The following PDE2A variants were observed in gnomAD, a reference collection of about 807,000 sequenced individuals.
PDE2A encodes the protein phosphodiesterase 2A.
A neutral mutation model predicts 133.6 loss-of-function variants in PDE2A; 53 were observed. The observed-to-expected ratio is 0.40, with a 90% confidence interval of 0.32 to 0.50. The LOEUF is 0.50. PDE2A is among the 20% of genes least tolerant of loss of function. The pLI, the probability that PDE2A is intolerant of heterozygous loss-of-function variation, is 0.73. For missense variants in PDE2A, 796 were observed against 1,232.4 expected, an observed-to-expected ratio of 0.65 and a Z score of 5.30; for synonymous variants, 491 against 490.2, an observed-to-expected ratio of 1.00 and a Z score of -0.02.
intron 1 of PDE2A, chr11:72,657,746 A>T: frequency 2.2e-6 from 1 of 452,816 alleles, no homozygotes; most frequent in Admixed American, 2.4e-5. Context: ...GGGGAGGAGC[A>T]GGGATTGAAC....
intron 4 of PDE2A, among the ~76,000 whole-genome samples, chr11:72,601,980 C>A (rs188485801): frequency 6.6e-6 from 1 of 152,290 alleles, no homozygotes; most frequent in Admixed American, 6.5e-5. Flanking sequence ...GCCCAAGGTT[C>A]TTCCTGTGGA....
At chr11:72,654,339 G>A (rs1210339781) in intron 1 of PDE2A, among the ~76,000 whole-genome samples, 1 of 152,208 alleles carries the variant, frequency 6.6e-6, no homozygotes, top group Non-Finnish European at 1.5e-5. Context: ...CGGATGAGAG[G>A]GCTGAGGAAA....
intron 1 of PDE2A, among the ~76,000 whole-genome samples, chr11:72,657,218 C>G (rs1225586573): frequency 6.6e-6 from 1 of 152,180 alleles, no homozygotes; most frequent in Non-Finnish European, 1.5e-5. Flanking sequence ...TGGCTGTCCC[C>G]CACCTCACTC....
intron 2 of PDE2A, among the ~76,000 whole-genome samples, chr11:72,627,059 G>T (rs556965143): frequency 9.2e-5 from 14 of 152,104 alleles, no homozygotes; most frequent in Admixed American, 2.0e-4. Context: ...ATCCTTCAAA[G>T]TTCTAAGGTT....
At position 72,583,936 on chromosome 11, in the gene PDE2A, G is replaced by A. The variant is rs539163689; in HGVS notation, c.1650+265C>T. 2.0e-5 allele frequency among the ~76,000 whole-genome samples: 3 copies of A among 152,324 alleles called. No individual in the cohort carries two copies. The South Asian group carries it at 6.2e-4, about 32-fold the overall frequency. On this transcript the variant is annotated intron_variant, in intron 19 of 30. Transcript: ENST00000334456. Reference sequence around the variant, plus strand: ...TTGGGTTGAGACTGCTTCCAGGGAAGAGAGGAGGTTTTGACAACGGGAGTT... The same window carrying A: ...TTGGGTTGAGACTGCTTCCAGGGAAAAGAGGAGGTTTTGACAACGGGAGTT...
chr11:72,581,532 C>T (rs371747305), intron 22 of PDE2A, 53 bp from the exon 23 acceptor site: 14 of 1,539,724 alleles, frequency 9.1e-6, no homozygotes, highest in African/African-American at 8.2e-5. Context: ...TCCTCCATCA[C>T]GGCCCCATGA....
At chr11:72,664,030 G>T (rs1855154805) in intron 1 of PDE2A, among the ~76,000 whole-genome samples, 1 of 152,228 alleles carries the variant, frequency 6.6e-6, no homozygotes, top group Non-Finnish European at 1.5e-5. Flanking sequence ...GGTACTGGCA[G>T]GAGAGCAAAG....
At chr11:72,587,240 G>A (rs1194331533) in intron 13 of PDE2A, among the ~76,000 whole-genome samples, 1 of 152,168 alleles carries the variant, frequency 6.6e-6, no homozygotes, top group African/African-American at 2.4e-5. Context: ...ACACTTCGGA[G>A]GTCTTTGCTA....
chr11:72,597,696 A>G lies in PDE2A; in HGVS notation c.324-77T>C. ...GAGGCCTGGCCTGGGAACACAGGAC[A>G]GTTTGGACCCTGCACATGTGCAAGG... On this transcript the variant is annotated intron_variant, in intron 4 of 30. Coordinates refer to ENST00000334456, the MANE Select transcript of PDE2A (RefSeq NM_002599.5). This position sits in a 1 kb window ranked among gnomAD's most constrained non-coding sequence, Gnocchi z 4.6. 2.1e-6 allele frequency: 2 copies of G among 943,686 alleles called. No individual in the cohort carries two copies. The highest frequency in any genetic ancestry group is 4.0e-5 in the Admixed American group (2 of 49,494). 58.5% of individuals were successfully genotyped at this position (943,686 alleles called of 1,614,324 possible). A position where few individuals can be genotyped will look rare whatever the true frequency, so the allele number is the denominator to read the frequency against.
In PDE2A at chr11:72,581,497, G is replaced by A. The variant is rs1695326; in HGVS notation, c.1923-18C>T. 1 of 1,578,850 alleles carries A rather than the reference G, an allele frequency of 6.3e-7. No individual in the cohort carries two copies. The highest frequency in any genetic ancestry group is 8.6e-7 in the Non-Finnish European group (1 of 1,162,400). On this transcript the variant is annotated intron_variant, in intron 22 of 30. Transcript: ENST00000334456. ...AACAGAACCTGGGGGAGGGAAGAGG[G>A]CAGAAGAGGGGCCTCAGCCTCTCCT...
chr11:72,615,634 G>T (rs1272831264), intron 2 of PDE2A, among the ~76,000 whole-genome samples: 1 of 151,440 alleles, frequency 6.6e-6, no homozygotes, highest in Non-Finnish European at 1.5e-5. Context: ...CTACAGGGAA[G>T]AACCGAGAGT....
chr11:72,632,609 A>G (rs1858462311), intron 2 of PDE2A, among the ~76,000 whole-genome samples: 1 of 152,140 alleles, frequency 6.6e-6, no homozygotes, highest in Non-Finnish European at 1.5e-5. Flanking sequence ...GGAAATGACG[A>G]GGGTTGAGAT....
intron 1 of PDE2A, chr11:72,652,806 T>C (rs1854778919): frequency 2.3e-6 from 1 of 438,820 alleles, no homozygotes; most frequent in African/African-American, 2.0e-5. Flanking sequence ...GCAGGCTGAC[T>C]TGGGGAAAAG....
intron 15 of PDE2A, 44 bp downstream of exon 15, chr11:72,585,510 C>T: frequency 1.2e-6 from 2 of 1,613,190 alleles, no homozygotes; most frequent in South Asian, 2.2e-5. Flanking sequence ...AAATGCCAGC[C>T]CCCATGCCCA....
At chr11:72,673,809 C>A (rs901903176) in intron 1 of PDE2A, among the ~76,000 whole-genome samples, 5 of 151,962 alleles carry the variant, frequency 3.3e-5, no homozygotes, top group Non-Finnish European at 7.4e-5. Context: ...CTTGGCAGAC[C>A]TCCCCCTCCC....
intron 1 of PDE2A, among the ~76,000 whole-genome samples, chr11:72,642,793 A>T (rs2135439003): frequency 6.8e-6 from 1 of 146,644 alleles, no homozygotes; most frequent in African/African-American, 2.5e-5. Flanking sequence ...AGCCCCAGGC[A>T]GAGACCGGCG....
rs1855603326 is a variant in PDE2A at position 72,579,225 on chromosome 11, C to A, written c.2356+59G>T. 7.5e-6 allele frequency: 10 copies of A among 1,342,212 alleles called. No individual in the cohort carries two copies. In the South Asian group the frequency reaches 9.4e-5, roughly 13 times the overall value. The allele number at this position is 1,342,212 out of a possible 1,614,324, so 83.1% of individuals were successfully genotyped here. On this transcript the variant is annotated intron_variant, in intron 27 of 30. Transcript: ENST00000334456. The stretch of plus-strand genomic sequence containing the variant: ...CTGCACCCTGGGAATGCTCCCCTGG[C>A]AAATCCTTCCCCTGGTTGTTCCTCC...
intron 1 of PDE2A, among the ~76,000 whole-genome samples, chr11:72,671,478 G>A (rs1431238333): frequency 2.6e-5 from 4 of 152,134 alleles, no homozygotes; most frequent in Non-Finnish European, 5.9e-5. Context: ...ACTGCTGGGA[G>A]CTCTTCCCCC....
intron 1 of PDE2A, among the ~76,000 whole-genome samples, chr11:72,648,939 C>T (rs903769041): frequency 1.3e-5 from 2 of 152,200 alleles, no homozygotes; most frequent in East Asian, 1.9e-4. Context: ...CAGGTGGCCA[C>T]GCCTGCTTCT....
Sources: allele counts gnomAD v4.1 joint callset (sites outside exome capture counted in the v4.1 genomes callset), GRCh38; gene constraint gnomAD v4.1.1; non-coding constraint Gnocchi (gnomAD v3.1); transcripts MANE v1.5; gene names NCBI Gene and HGNC (gene_info 2026-07-23, HGNC 2026-07-21).